PLK1: variants seen among roughly 807,000 people sequenced by gnomAD.
The protein encoded by PLK1 is serine/threonine-protein kinase PLK1.
Under a neutral mutation model 56.7 loss-of-function variants are expected in PLK1, and 6 were observed. The ratio of observed to expected loss-of-function variants is 0.11; its 90% CI spans 0.06 to 0.21. The LOEUF is 0.21. Among genes scored for constraint, PLK1 ranks in the 10% least tolerant of loss-of-function variants. The pLI, the probability that PLK1 is intolerant of heterozygous loss-of-function variation, is 1.00. For missense variants in PLK1, 546 were observed against 814.4 expected (o/e 0.67, Z 4.01); for synonymous variants, 298 against 325.0 (o/e 0.92, Z 0.89).
rs775668661 is a variant in PLK1, at chr16:23,689,172, C to T, written c.1271-66C>T. On this transcript the variant is annotated intron_variant, in intron 7 of 9. Transcript: ENST00000300093. This position sits in a 1 kb window ranked among gnomAD's most constrained non-coding sequence, Gnocchi z 4.8. ...GTGCTGGAATCACAGGCATGTGCCA[C>T]CACGCCCGGTCCCACTCCCCACTTT... is the stretch of plus-strand genomic sequence containing the variant. 138 of 1,441,668 alleles carry T rather than the reference C, an allele frequency of 9.6e-5. No individual in the cohort carries two copies. The highest frequency in any genetic ancestry group is 1.3e-4 in the Non-Finnish European group (134 of 1,037,426). The allele number at this position is 1,441,668 out of a possible 1,614,324, so 89.3% of individuals were successfully genotyped here.
chr16:23,680,359 A>C, intron 2 of PLK1, 107 bp downstream of exon 2: 2 of 818,034 alleles, frequency 2.4e-6, no homozygotes, highest in Admixed American at 2.4e-5. Context: ...TATCTTGCCT[A>C]CAGATGCATT....
rs755802528 is a variant in PLK1 at position 23,679,268 on chromosome 16, C to G, written c.336C>G (p.His112Gln). 1 of 1,614,084 alleles carries G rather than the reference C, an allele frequency of 6.2e-7. No individual in the cohort carries two copies. Among genetic ancestry groups the G allele is most frequent in the South Asian group, 1.1e-5 (1 of 91,084 alleles). The stretch of plus-strand genomic sequence containing the variant: ...TTCACCGCAGCCTCGCCCACCAGCA[C>G]GTCGTAGGATTCCACGGCTTTTTCG... ...ISIHRSLAHQ[H>Q]VVGFHGFFED... Residue 112 changes from histidine to glutamine, a missense_variant, in exon 1 of 10, where the codon CAC (histidine) becomes CAG (glutamine). Physicochemically the swap from His to Gln is conservative, Grantham distance 24 (BLOSUM62 0). Coordinates refer to ENST00000300093, the MANE Select transcript of PLK1 (RefSeq NM_005030.6).
chr16:23,680,361 A>G, intron 2 of PLK1, 109 bp downstream of exon 2: 1 of 809,922 alleles, frequency 1.2e-6, no homozygotes, highest in Non-Finnish European at 2.0e-6. Context: ...TCTTGCCTAC[A>G]GATGCATTAT....
In PLK1 at chr16:23,683,881, C is replaced by A; in HGVS notation, c.828C>A (p.Pro276=). ...TCTCTCTGCCCCAGCACATCAACCC[C>A]GTGGCCGCCTCCCTCATCCAGAAGA... ...NEYSIPKHIN[P]VAASLIQKML... is the part of the protein sequence containing the mutation. The change falls in exon 5 of 10, where the codon CCC becomes CCA. Residue 276 remains proline, a synonymous_variant. Transcript: ENST00000300093. The A allele has an allele frequency of 6.2e-7, 1 of 1,613,826 alleles. No homozygotes were observed. Among genetic ancestry groups the A allele is most frequent in the Non-Finnish European group, 8.5e-7 (1 of 1,179,746 alleles).
intron 5 of PLK1, among the ~76,000 whole-genome samples, chr16:23,684,552 C>T (rs765096892): frequency 6.6e-6 from 1 of 152,068 alleles, no homozygotes; most frequent in Non-Finnish European, 1.5e-5. Flanking sequence ...CAGTGTTTTG[C>T]CATGTTGCCC....
chr16:23,687,720 A>G, intron 6 of PLK1, 96 bp downstream of exon 6: 1 of 882,554 alleles, frequency 1.1e-6, no homozygotes, highest in Non-Finnish European at 1.7e-6. Flanking sequence ...TGACTTGTTC[A>G]GGCCCTGTCT....
rs1396740266 is a variant in PLK1, at chr16:23,690,074, C to A, written c.*11C>A. The A allele has an allele frequency of 1.3e-6, 2 of 1,596,858 alleles. No individual in the cohort carries two copies. Among genetic ancestry groups the A allele is most frequent in the Non-Finnish European group, 1.7e-6 (2 of 1,172,338 alleles). On this transcript the variant is annotated 3_prime_UTR_variant, in exon 10 of 10. Coordinates refer to ENST00000300093, the MANE Select transcript of PLK1 (RefSeq NM_005030.6). ...CTCAAGGCCTCCTAATAGCTGCCCT[C>A]CCCTCCGGACTGGTGCCCTCCTCAC...
intron 4 of PLK1, 145 bp downstream of exon 4, chr16:23,682,302 C>G: frequency 1.7e-6 from 1 of 585,468 alleles, no homozygotes; most frequent in Non-Finnish European, 3.0e-6. Context: ...TCTGAAATTG[C>G]ATACAGAACT....
intron 4 of PLK1, among the ~76,000 whole-genome samples, chr16:23,682,414 G>A (rs1959346257): frequency 6.6e-6 from 1 of 152,078 alleles, no homozygotes; most frequent in Admixed American, 6.6e-5. Flanking sequence ...AAAAAACAAA[G>A]GAGGTAGGAA....
chr16:23,688,088 A>G (rs964711864), intron 6 of PLK1, among the ~76,000 whole-genome samples: 2 of 152,056 alleles, frequency 1.3e-5, no homozygotes, highest in African/African-American at 4.8e-5. Flanking sequence ...AGTTCTCCAT[A>G]ACACTTCTCA....
At position 23,679,010 on chromosome 16, in the gene PLK1, A is replaced by G; in HGVS notation, c.78A>G (p.Ala26=). The change falls in exon 1 of 10, where the codon GCA becomes GCG. Residue 26 remains alanine (A), a synonymous_variant. Coordinates refer to ENST00000300093, the MANE Select transcript of PLK1 (RefSeq NM_005030.6). ...GGAAAGCCGGGGTCCCCGGAGTTGCAGCTCCCGGAGCTCCGGCGGCGGCTC... is the reference window on the plus strand; with the variant it reads ...GGAAAGCCGGGGTCCCCGGAGTTGCGGCTCCCGGAGCTCCGGCGGCGGCTC... ...DPGKAGVPGV[A]APGAPAAAPP... 6.2e-7 allele frequency: 1 copy of G among 1,607,070 alleles called. No homozygotes were observed. Among genetic ancestry groups the G allele is most frequent in the Non-Finnish European group, 8.5e-7 (1 of 1,177,242 alleles).
At chr16:23,679,915 G>T in intron 1 of PLK1, 169 bp from the exon 2 acceptor site, 1 of 582,384 alleles carries the variant, frequency 1.7e-6, no homozygotes, top group Non-Finnish European at 3.1e-6. Context: ...TGCTGGAGAA[G>T]GAATGGGGTG....
At position 23,681,007 on chromosome 16, in the gene PLK1, G is replaced by A. The variant is rs369625624; in HGVS notation, c.671G>A (p.Ser224Asn). Residue 224 changes from serine (S) to asparagine (N), a missense_variant, in exon 3 of 10, where the codon AGC becomes AAC. Physicochemically the swap from Ser to Asn is conservative, Grantham distance 46. Around this residue, in one of 7 missense-constraint regions of PLK1, gnomAD observed 21 missense variants for 58.4 expected, o/e 0.36. Transcript: ENST00000300093. ...TPNYIAPEVL[S>N]KKGHSFEVDV... ...AATTACATAGCTCCCGAGGTGCTGA[G>A]CAAGAAAGGGCACAGTTTCGAGGTG... is the stretch of plus-strand genomic sequence containing the variant. The A allele has an allele frequency of 1.3e-5, 21 of 1,613,248 alleles. No homozygotes were observed. Among genetic ancestry groups the A allele is most frequent in the Non-Finnish European group, 1.8e-5 (21 of 1,179,720 alleles).
intron 6 of PLK1, among the ~76,000 whole-genome samples, chr16:23,688,258 C>A (rs1045811846): frequency 3.9e-5 from 6 of 152,336 alleles, no homozygotes; most frequent in Admixed American, 1.3e-4. Context: ...CTGACTCTTA[C>A]CATGATAGAA....
intron 5 of PLK1, among the ~76,000 whole-genome samples, chr16:23,685,527 C>T (rs967942926): frequency 1.3e-5 from 2 of 151,862 alleles, no homozygotes; most frequent in Admixed American, 1.3e-4. Context: ...GGCAACATGG[C>T]GAAACGCTGT....
At chr16:23,685,721 A>G (rs1381513914) in intron 5 of PLK1, among the ~76,000 whole-genome samples, 1 of 151,600 alleles carries the variant, frequency 6.6e-6, no homozygotes, top group Non-Finnish European at 1.5e-5. Context: ...AAAAAAAAAA[A>G]ATTTTTTTTT....
chr16:23,685,602 G>A (rs1959414757), intron 5 of PLK1, among the ~76,000 whole-genome samples: 1 of 151,922 alleles, frequency 6.6e-6, no homozygotes, highest in African/African-American at 2.4e-5. Flanking sequence ...CAGCTACTCG[G>A]GACACTGAGG....
Position 23,690,242 on chromosome 16 carries a change from G to T in PLK1, c.*179G>T. ...ATAAGTTATTTTTGTACATGTTCGG[G>T]TGTGGGTTCTACAGCCTTGTCCCCC... On this transcript the variant is annotated 3_prime_UTR_variant, in exon 10 of 10. Transcript: ENST00000300093. The T allele has an allele frequency of 1.6e-6, 1 of 615,954 alleles. No homozygotes were observed. The highest frequency in any genetic ancestry group is 2.9e-6 in the Non-Finnish European group (1 of 342,772). 38.2% of individuals were successfully genotyped at this position (615,954 alleles called of 1,614,324 possible).
At position 23,689,205 on chromosome 16, in the gene PLK1, C is replaced by T. The variant is rs750857669; in HGVS notation, c.1271-33C>T. 6.3e-7 allele frequency: 1 copy of T among 1,586,946 alleles called. No homozygotes were observed. Among genetic ancestry groups the T allele is most frequent in the Admixed American group, 1.7e-5 (1 of 59,572 alleles). On this transcript the variant is annotated intron_variant, in intron 7 of 9. Transcript: ENST00000300093. The surrounding 1 kb of genome is among the most constrained non-coding windows in gnomAD (Gnocchi z 4.8). Reference sequence around the variant, plus strand: ...GGTCCCACTCCCCACTTTCTATTCCCCCTTTCTGAGACCTCTCTCCACCGA... The same window carrying T: ...GGTCCCACTCCCCACTTTCTATTCCTCCTTTCTGAGACCTCTCTCCACCGA...
Sources: allele counts gnomAD v4.1 joint callset (sites outside exome capture counted in the v4.1 genomes callset), GRCh38; gene constraint gnomAD v4.1.1; regional missense constraint gnomAD v4.1.1; non-coding constraint Gnocchi (gnomAD v3.1); transcripts MANE v1.5; gene names NCBI Gene and HGNC (gene_info 2026-07-23, HGNC 2026-07-21).